The following DIS3L2 variants were observed in gnomAD, a reference collection of about 807,000 sequenced individuals.
The protein encoded by DIS3L2 is DIS3 like 3'-5' exoribonuclease 2, also known as DIS3-like exonuclease 2.
A neutral mutation model predicts 97.5 loss-of-function variants in DIS3L2; 34 were observed. The ratio of observed to expected loss-of-function variants is 0.35; its 90% CI spans 0.27 to 0.46. The LOEUF (loss-of-function observed/expected upper bound fraction) is 0.46, where lower values mean the gene tolerates loss of function less well. Ranked by LOEUF, DIS3L2 falls within the 20% of genes least tolerant of loss-of-function variation. The pLI, the probability that DIS3L2 is intolerant of heterozygous loss-of-function variation, is 1.00. For missense variants in DIS3L2, 1,038 were observed against 1,146.0 expected (o/e 0.91, Z 1.36); for synonymous variants, 435 against 445.2 (o/e 0.98, Z 0.29).
chr2:232,118,125 T>A (rs926926247), intron 6 of DIS3L2, among the ~76,000 whole-genome samples: 1 of 152,230 alleles, frequency 6.6e-6, no homozygotes. Context: ...GCCTGCTCCA[T>A]GGGCCTCTCT....
intron 1 of DIS3L2, among the ~76,000 whole-genome samples, chr2:231,999,935 A>AT (rs1195512724): frequency 6.6e-6 from 1 of 152,088 alleles, no homozygotes; most frequent in African/African-American, 2.4e-5. Context: ...TATACTTATC[A>AT]TTTTTTTGTG....
chr2:231,999,593 T>C (rs1286648028), intron 1 of DIS3L2, among the ~76,000 whole-genome samples: 1 of 152,232 alleles, frequency 6.6e-6, no homozygotes, highest in African/African-American at 2.4e-5. Context: ...TATTTACTTA[T>C]TTGTTCCATC....
At chr2:232,214,562 G>C (rs1350772926) in intron 10 of DIS3L2, among the ~76,000 whole-genome samples, 2 of 152,070 alleles carry the variant, frequency 1.3e-5, no homozygotes, top group Non-Finnish European at 2.9e-5. Context: ...TGTCCAGTGG[G>C]TTATGAGGTG....
At chr2:232,145,287 A>G (rs894559961) in intron 8 of DIS3L2, among the ~76,000 whole-genome samples, 41 of 152,158 alleles carry the variant, frequency 2.7e-4, no homozygotes, top group Admixed American at 2.6e-3. Context: ...CTTCTGAAGA[A>G]TAGATGTTTG....
chr2:232,053,362 ACT>A (rs1263889537), intron 5 of DIS3L2, among the ~76,000 whole-genome samples: 1 of 152,206 alleles, frequency 6.6e-6, no homozygotes, highest in East Asian at 1.9e-4. Flanking sequence ...AAAAGGAAAC[ACT>A]GTTTTTCTAT....
intron 10 of DIS3L2, among the ~76,000 whole-genome samples, chr2:232,217,876 T>C (rs546521343): frequency 4.2e-4 from 64 of 152,338 alleles, no homozygotes; most frequent in Non-Finnish European, 8.5e-4. Flanking sequence ...GATTGAAGCA[T>C]GGACACCCAT....
intron 9 of DIS3L2, among the ~76,000 whole-genome samples, chr2:232,165,979 C>T (rs904023246): frequency 2.0e-5 from 3 of 151,884 alleles, no homozygotes; most frequent in African/African-American, 7.3e-5. Context: ...AGTAAATTCC[C>T]CTCTCATGGC....
intron 13 of DIS3L2, among the ~76,000 whole-genome samples, chr2:232,277,359 G>A (rs1360985607): frequency 1.3e-5 from 2 of 152,170 alleles, no homozygotes; most frequent in African/African-American, 4.8e-5. Context: ...GGTGCAGCTG[G>A]AATGTTTCCA....
chr2:232,164,774 A>G (rs1360699678), intron 9 of DIS3L2, among the ~76,000 whole-genome samples: 1 of 152,182 alleles, frequency 6.6e-6, no homozygotes, highest in African/African-American at 2.4e-5. Flanking sequence ...GATTTTCATA[A>G]TAACCCCTCT....
chr2:232,162,503 A>T (rs1047606448), intron 8 of DIS3L2, among the ~76,000 whole-genome samples: 2 of 152,252 alleles, frequency 1.3e-5, no homozygotes, highest in Non-Finnish European at 2.9e-5. Flanking sequence ...GCAGCCAAGC[A>T]TCTACCCTTA....
At chr2:232,177,182 C>T (rs1322048463) in intron 9 of DIS3L2, among the ~76,000 whole-genome samples, 5 of 141,234 alleles carry the variant, frequency 3.5e-5, no homozygotes, top group South Asian at 2.4e-4. Context: ...ATATGTGCCA[C>T]ATTTTCTTAA....
chr2:232,186,827 G>A (rs766809412), intron 9 of DIS3L2, among the ~76,000 whole-genome samples: 10 of 152,150 alleles, frequency 6.6e-5, no homozygotes, highest in East Asian at 3.9e-4. Context: ...AAAGTGGATC[G>A]TAGACCTGAA....
At position 231,961,776 on chromosome 2, in the gene DIS3L2, C is replaced by T. The variant is rs1184839213; in HGVS notation, c.-94+11C>T. 3.9e-5 allele frequency: 6 copies of T among 153,218 alleles called. No individual in the cohort carries two copies. Among genetic ancestry groups the T allele is most frequent in the South Asian group, 2.1e-4 (1 of 4,852 alleles). 9.5% of individuals were successfully genotyped at this position (153,218 alleles called of 1,614,324 possible). On this transcript the variant is annotated intron_variant, in intron 1 of 20. Transcript: ENST00000325385. ...CTCCGGGGAGAAACGGTGAGGCCCTCACTCGCCTGCCCCCTGCACCGCCTA... is the reference window on the plus strand; with the variant it reads ...CTCCGGGGAGAAACGGTGAGGCCCTTACTCGCCTGCCCCCTGCACCGCCTA...
At chr2:232,215,610 A>G (rs754563008) in intron 10 of DIS3L2, among the ~76,000 whole-genome samples, 2 of 152,122 alleles carry the variant, frequency 1.3e-5, no homozygotes, top group Non-Finnish European at 2.9e-5. Flanking sequence ...GCCTGTAAGG[A>G]TTTCAGAGAA....
intron 10 of DIS3L2, among the ~76,000 whole-genome samples, chr2:232,212,646 A>C (rs1692222971): frequency 6.6e-6 from 1 of 152,210 alleles, no homozygotes; most frequent in Non-Finnish European, 1.5e-5. Flanking sequence ...ATGGAAAGGC[A>C]AGCAGATGTT....
intron 10 of DIS3L2, among the ~76,000 whole-genome samples, chr2:232,211,498 CT>C (rs1243632694): frequency 6.6e-6 from 1 of 152,192 alleles, no homozygotes; most frequent in Non-Finnish European, 1.5e-5. Flanking sequence ...TTTTTACCTA[CT>C]TCTTGCCCCT....
At chr2:232,342,797 C>G (rs954217040) in intron 13 of DIS3L2, among the ~76,000 whole-genome samples, 1 of 152,194 alleles carries the variant, frequency 6.6e-6, no homozygotes, top group African/African-American at 2.4e-5. Flanking sequence ...TGGGCTGGGG[C>G]CCCTGGGAGC....
At chr2:232,322,654 C>T (rs1276071642) in intron 14 of DIS3L2, among the ~76,000 whole-genome samples, 1 of 152,202 alleles carries the variant, frequency 6.6e-6, no homozygotes, top group African/African-American at 2.4e-5. Flanking sequence ...AGCACACGTT[C>T]AAACTTGCAG....
At chr2:232,314,850 G>A (rs1695227262) in intron 14 of DIS3L2, among the ~76,000 whole-genome samples, 1 of 152,152 alleles carries the variant, frequency 6.6e-6, no homozygotes, top group Admixed American at 6.5e-5. Context: ...AGCACATGAA[G>A]ATGTGTTCTT....
Sources: gnomAD v4.1 joint callset for allele counts (sites outside exome capture counted in the v4.1 genomes callset) on GRCh38, gnomAD v4.1.1 for gene constraint, MANE v1.5 for transcripts, NCBI Gene and HGNC (gene_info 2026-07-23, HGNC 2026-07-21) for gene names.